The following TRAPPC9 variants were observed in gnomAD, a reference collection of about 807,000 sequenced individuals.
TRAPPC9 encodes trafficking protein particle complex subunit 9.
Under a neutral mutation model 124.0 loss-of-function variants are expected in TRAPPC9, and 83 were observed. That is an observed-to-expected ratio of 0.67 (90% CI 0.56 to 0.80). The LOEUF (loss-of-function observed/expected upper bound fraction) is 0.80, where lower values mean the gene tolerates loss of function less well. Ranked by LOEUF, TRAPPC9 falls within the 30% of genes least tolerant of loss-of-function variation. TRAPPC9 has a pLI of 0.00. For synonymous variants in TRAPPC9, 638 were observed against 617.5 expected (o/e 1.03, Z -0.49); for missense variants, 1,302 against 1,508.3 (o/e 0.86, Z 2.27).
intron 21 of TRAPPC9, among the ~76,000 whole-genome samples, chr8:139,857,965 GT>G (rs1375898019): frequency 6.6e-6 from 1 of 152,204 alleles, no homozygotes; most frequent in Non-Finnish European, 1.5e-5. Flanking sequence ...GTTGTCCACT[GT>G]GGATAAACAT....
At chr8:139,950,702 A>G (rs1194217860) in intron 19 of TRAPPC9, among the ~76,000 whole-genome samples, 1 of 152,202 alleles carries the variant, frequency 6.6e-6, no homozygotes, top group Non-Finnish European at 1.5e-5. Flanking sequence ...TTCCCAAATC[A>G]CCATGGGTTT....
At chr8:140,105,920 G>A (rs1018880572) in intron 17 of TRAPPC9, among the ~76,000 whole-genome samples, 6 of 151,886 alleles carry the variant, frequency 4.0e-5, no homozygotes, top group Non-Finnish European at 7.4e-5. Context: ...GTGGCAGAAG[G>A]GTCTGTCTCT....
intron 19 of TRAPPC9, among the ~76,000 whole-genome samples, chr8:139,938,333 G>C (rs909418626): frequency 6.6e-6 from 1 of 152,106 alleles, no homozygotes; most frequent in Non-Finnish European, 1.5e-5. Flanking sequence ...CACCAGGGCT[G>C]GAGTGCAGTG....
intron 16 of TRAPPC9, among the ~76,000 whole-genome samples, chr8:140,236,227 C>A (rs1420472854): frequency 6.6e-6 from 1 of 151,978 alleles, no homozygotes; most frequent in Non-Finnish European, 1.5e-5. Flanking sequence ...GGATTATAAG[C>A]GTGTGCCACC....
intron 17 of TRAPPC9, among the ~76,000 whole-genome samples, chr8:140,139,860 G>T (rs953155961): frequency 1.3e-5 from 2 of 152,134 alleles, no homozygotes; most frequent in Middle Eastern, 3.4e-3. Flanking sequence ...TCAAAAGCCC[G>T]CAGTTTTGCC....
At chr8:140,199,366 C>T (rs2062737358) in intron 17 of TRAPPC9, among the ~76,000 whole-genome samples, 1 of 152,124 alleles carries the variant, frequency 6.6e-6, no homozygotes, top group Admixed American at 6.5e-5. Flanking sequence ...CAGGTCTAGA[C>T]CTTCCCACCT....
Position 140,104,840 on chromosome 8 carries a change from T to C in TRAPPC9, c.2557-80761A>G, listed in dbSNP as rs774127265. On this transcript the variant is annotated intron_variant, in intron 17 of 22. Transcript: ENST00000438773. This position sits in a 1 kb window ranked among gnomAD's most constrained non-coding sequence, Gnocchi z 4.0. ...GAGTTGCCTCGAACTGAAGCCTTACTTCCTCTTTCTAACCCTTTTAGAAAC... is the reference window on the plus strand; with the variant it reads ...GAGTTGCCTCGAACTGAAGCCTTACCTCCTCTTTCTAACCCTTTTAGAAAC... Among the ~76,000 whole-genome samples the C allele has an allele frequency of 1.1e-4, 16 of 152,232 alleles. No homozygotes were observed. Among genetic ancestry groups the C allele is most frequent in the Admixed American group, 2.0e-4 (3 of 15,286 alleles).
chr8:139,975,927 C>CT (rs528679775), intron 19 of TRAPPC9, among the ~76,000 whole-genome samples: 39,772 of 95,730 alleles, frequency 0.42, 9,970 homozygotes, highest in Non-Finnish European at 0.49. Context: ...AAAGGACAGT[C>CT]TTTTTTTTTT....
intron 21 of TRAPPC9, among the ~76,000 whole-genome samples, chr8:139,876,943 G>A (rs967390945): frequency 1.3e-5 from 2 of 152,246 alleles, no homozygotes; most frequent in African/African-American, 2.4e-5. Context: ...ATAAGGCAGA[G>A]GACTGTCTCG....
At chr8:140,011,592 C>G (rs1227231764) in intron 18 of TRAPPC9, among the ~76,000 whole-genome samples, 1 of 146,722 alleles carries the variant, frequency 6.8e-6, no homozygotes, top group East Asian at 2.0e-4. Flanking sequence ...CAACCTCTGC[C>G]TCCCGGGTTC....
In TRAPPC9 at chr8:140,252,028, C is replaced by CTT. The variant is rs558681366; in HGVS notation, c.2431+747_2431+748dup. 8.5e-3 allele frequency among the ~76,000 whole-genome samples: 1,231 copies of CTT among 145,392 alleles called. 18 individuals carry two copies. The highest frequency in any genetic ancestry group is 0.03 in the African/African-American group (1,180 of 39,630). On this transcript the variant is annotated intron_variant, in intron 16 of 22. Coordinates refer to ENST00000438773, the MANE Select transcript of TRAPPC9 (RefSeq NM_001160372.4). The surrounding 1 kb of genome is among the most constrained non-coding windows in gnomAD (Gnocchi z 4.2). ...ATTTGGCATAATTAATTTATGAAAT[C>CTT]TTTTTTTTTTTTTTGAGATGGAGTC...
rs115149593 is a variant in TRAPPC9, at chr8:139,800,796, C to T, written c.3056-68594G>A. 2.0e-3 allele frequency among the ~76,000 whole-genome samples: 303 copies of T among 151,318 alleles called. 1 individual carries two copies. The highest frequency in any genetic ancestry group is 7.0e-3 in the African/African-American group (288 of 41,184). On this transcript the variant is annotated intron_variant, in intron 21 of 22. Coordinates refer to ENST00000438773, the MANE Select transcript of TRAPPC9 (RefSeq NM_001160372.4). ...CTCCCTCCGGCACCTTCCCTCCGTC[C>T]GGTATCTTTACCTTCCCTCCCTCCA... is the stretch of plus-strand genomic sequence containing the variant.
rs1250836908 is a variant in TRAPPC9 at position 139,732,158 on chromosome 8, C to A, written c.3100G>T (p.Ala1034Ser). ...GQPCDREAVA[A>S]CQVGDPVRLE... is the part of the protein sequence containing the mutation. ...CGCACGGGGTCGCCCACCTGGCAGG[C>A]CGCCACAGCCTCGCGGTCACATGGC... The change falls in exon 22 of 23, where the codon GCC becomes TCC. Residue 1034 changes from alanine (A) to serine (S), a missense_variant. By Grantham distance (99) the Ala-to-Ser change is moderately conservative. Transcript: ENST00000438773. 1 of 1,602,728 alleles carries A rather than the reference C, an allele frequency of 6.2e-7. No homozygotes were observed. Among genetic ancestry groups the A allele is most frequent in the Non-Finnish European group, 8.5e-7 (1 of 1,176,990 alleles).
intron 10 of TRAPPC9, among the ~76,000 whole-genome samples, chr8:140,304,695 C>T (rs557028441): frequency 6.6e-6 from 1 of 152,332 alleles, no homozygotes; most frequent in East Asian, 1.9e-4. Context: ...CAGTCAGCAT[C>T]GGCAGACACC....
At chr8:140,173,854 T>C in intron 17 of TRAPPC9, among the ~76,000 whole-genome samples, 1 of 152,244 alleles carries the variant, frequency 6.6e-6, no homozygotes, top group East Asian at 1.9e-4. Flanking sequence ...GCTTCAGTCT[T>C]GGCTCCACCT....
chr8:140,290,871 G>GCAAAACAAA, intron 12 of TRAPPC9, 122 bp downstream of exon 12: 1 of 814,562 alleles, frequency 1.2e-6, no homozygotes, highest in Non-Finnish European at 2.1e-6. Context: ...ATATGCTTTG[G>GCAAAACAAA]CAAAACAAAC....
At chr8:140,001,397 TAATAATAAA>T (rs1418320336) in intron 18 of TRAPPC9, among the ~76,000 whole-genome samples, 34 of 151,236 alleles carry the variant, frequency 2.2e-4, no homozygotes, top group African/African-American at 8.0e-4. Flanking sequence ...ATAATAATAA[TAATAATAAA>T]AAGAAACCGG....
At position 140,451,843 on chromosome 8, in the gene TRAPPC9, G is replaced by A. The variant is rs570929493; in HGVS notation, c.-10-460C>T. ...GGTGATAATAGAACTTGTCTTGGCC[G>A]GGCATGGTGGCTCATGCCTGTAATC... On this transcript the variant is annotated intron_variant, in intron 1 of 22. Coordinates refer to ENST00000438773, the MANE Select transcript of TRAPPC9 (RefSeq NM_001160372.4). Among the ~76,000 whole-genome samples, 184 of 152,230 alleles carry A rather than the reference G, an allele frequency of 1.2e-3. 2 individuals are homozygous for A. The highest frequency in any genetic ancestry group is 4.4e-3 in the African/African-American group (181 of 41,540).
At chr8:140,096,659 G>A (rs1172343346) in intron 17 of TRAPPC9, 1 of 152,232 alleles carries the variant, frequency 6.6e-6, no homozygotes, top group African/African-American at 2.4e-5. Context: ...AACAAAGTCA[G>A]GGAAATTGTA....
Sources: gnomAD v4.1 joint callset for allele counts (sites outside exome capture counted in the v4.1 genomes callset) on GRCh38, gnomAD v4.1.1 for gene constraint, Gnocchi (gnomAD v3.1) non-coding constraint, MANE v1.5 for transcripts, NCBI Gene and HGNC (gene_info 2026-07-23, HGNC 2026-07-21) for gene names.